CNTNAP3B: variants seen among roughly 807,000 people sequenced by gnomAD.
CNTNAP3B encodes contactin associated protein family member 3B.
Under a neutral mutation model 108.9 loss-of-function variants are expected in CNTNAP3B, and 25 were observed. The observed-to-expected ratio is 0.23, with a 90% CI of 0.17 to 0.32. CNTNAP3B has a LOEUF of 0.32. Among genes scored for constraint, CNTNAP3B ranks in the 10% least tolerant of loss-of-function variants. The pLI is 1.00. For missense variants in CNTNAP3B, 252 were observed against 1,210.4 expected (o/e 0.21, Z 11.75); for synonymous variants, 103 against 473.4 (o/e 0.22, Z 10.16).
At chr9:42,053,918 G>A (rs1294470330) in intron 3 of CNTNAP3B, among the ~76,000 whole-genome samples, 1 of 150,270 alleles carries the variant, frequency 6.7e-6, no homozygotes, top group East Asian at 2.0e-4. Context: ...CCAAACCATG[G>A]CAGACTTGTA....
At chr9:42,070,357 TG>T (rs1388357580) in intron 3 of CNTNAP3B, among the ~76,000 whole-genome samples, 6 of 149,594 alleles carry the variant, frequency 4.0e-5, no homozygotes, top group Non-Finnish European at 8.9e-5. Flanking sequence ...CCAGTGGCCA[TG>T]ACAGCCAGAG....
chr9:41,937,183 A>T (rs1476940042), intron 14 of CNTNAP3B, among the ~76,000 whole-genome samples: 2 of 149,084 alleles, frequency 1.3e-5, no homozygotes, highest in Non-Finnish European at 1.5e-5. Flanking sequence ...GCTGGAGTGC[A>T]GTGGCGCGAT....
At chr9:41,970,349 G>A (rs1825403725) in intron 9 of CNTNAP3B, 104 bp from the exon 10 acceptor site, 1 of 212,660 alleles carries the variant, frequency 4.7e-6, no homozygotes, top group Admixed American at 1.1e-4. Flanking sequence ...TATGGACATC[G>A]GTATGATGCG....
chr9:42,075,481 C>G (rs1414237246), intron 3 of CNTNAP3B, among the ~76,000 whole-genome samples: 1 of 136,188 alleles, frequency 7.3e-6, no homozygotes, highest in Non-Finnish European at 1.6e-5. Flanking sequence ...GAGTTGACAT[C>G]TGTCATTTTA....
chr9:42,030,231 G>T (rs1587212328), intron 3 of CNTNAP3B, among the ~76,000 whole-genome samples: 1 of 54,298 alleles, frequency 1.8e-5, no homozygotes, highest in South Asian at 7.6e-4. Context: ...AACCCCAAAA[G>T]TAACCACTCT....
intron 9 of CNTNAP3B, among the ~76,000 whole-genome samples, chr9:41,983,086 G>C (rs1825663565): frequency 7.8e-6 from 1 of 128,232 alleles, no homozygotes; most frequent in Non-Finnish European, 1.6e-5. Context: ...CTACCTACTA[G>C]GTACTATGCT....
At chr9:41,941,196 C>T (rs1219736243) in intron 13 of CNTNAP3B, among the ~76,000 whole-genome samples, 8 of 150,164 alleles carry the variant, frequency 5.3e-5, no homozygotes, top group East Asian at 3.9e-4. Flanking sequence ...TACCAAGCAA[C>T]GAGTAAGAAA....
intron 1 of CNTNAP3B, among the ~76,000 whole-genome samples, chr9:42,125,734 G>A (rs1350520829): frequency 2.4e-5 from 3 of 127,544 alleles, no homozygotes; most frequent in Middle Eastern, 3.7e-3. Flanking sequence ...GCAGTGGCAC[G>A]ATCTCAGCTC....
intron 3 of CNTNAP3B, among the ~76,000 whole-genome samples, chr9:42,075,092 T>C (rs1470589654): frequency 7.0e-6 from 1 of 143,106 alleles, no homozygotes; most frequent in East Asian, 2.1e-4. Flanking sequence ...ATTATTCCAA[T>C]CCTCCCTCCT....
At chr9:42,091,007 G>A in intron 2 of CNTNAP3B, among the ~76,000 whole-genome samples, 1 of 48,606 alleles carries the variant, frequency 2.1e-5, no homozygotes, top group South Asian at 7.1e-4. Context: ...CACACATATA[G>A]TATATATTTA....
At chr9:41,961,475 G>A (rs1163401886) in intron 11 of CNTNAP3B, among the ~76,000 whole-genome samples, 1 of 152,302 alleles carries the variant, frequency 6.6e-6, no homozygotes, top group Non-Finnish European at 1.5e-5. Flanking sequence ...AATTAAGGAA[G>A]AAACCCTCAT....
intron 14 of CNTNAP3B, among the ~76,000 whole-genome samples, chr9:41,937,123 A>ATTATTATTATTATTG (rs1328315582): frequency 1.2e-3 from 184 of 148,804 alleles, no homozygotes; most frequent in African/African-American, 4.4e-3. Context: ...ATTTATTATT[A>ATTATTATTATTATTG]TTATTATTAT....
rs1370415006 is a variant in CNTNAP3B at position 42,070,818 on chromosome 9, A to G, written c.390+6051T>C. ...TCAGGCCCGGAAAATAAAGATAACA[A>G]TTAGGAACAAATACACACAGGCCAT... On this transcript the variant is annotated intron_variant, in intron 3 of 23. Transcript: ENST00000377561. Among the ~76,000 whole-genome samples the G allele has an allele frequency of 9.9e-5, 15 of 152,170 alleles. No individual in the cohort carries two copies. In the South Asian group the frequency reaches 2.5e-3, roughly 25 times the overall value.
chr9:41,919,315 C>T (rs1005741053), intron 18 of CNTNAP3B, among the ~76,000 whole-genome samples: 1 of 152,058 alleles, frequency 6.6e-6, no homozygotes, highest in Admixed American at 6.6e-5. Flanking sequence ...GAGGTTTCAC[C>T]ATGTTGGCCA....
At chr9:41,937,048 A>G (rs1188441179) in intron 14 of CNTNAP3B, among the ~76,000 whole-genome samples, 1 of 150,896 alleles carries the variant, frequency 6.6e-6, no homozygotes, top group Non-Finnish European at 1.5e-5. Context: ...TGCTTAGATT[A>G]GCTATTTTAT....
intron 3 of CNTNAP3B, among the ~76,000 whole-genome samples, chr9:42,030,808 A>T (rs1826507958): frequency 1.2e-5 from 1 of 85,296 alleles, no homozygotes; most frequent in Non-Finnish European, 2.3e-5. Flanking sequence ...AGAGAGAGAG[A>T]GAGAGGAGAG....
intron 3 of CNTNAP3B, among the ~76,000 whole-genome samples, chr9:42,070,767 G>A (rs1292306959): frequency 3.9e-3 from 592 of 151,748 alleles, no homozygotes; most frequent in African/African-American, 0.011. Context: ...TGCCCCCTCC[G>A]TTAGTTCCAC....
chr9:42,098,547 C>A (rs1199083336), intron 2 of CNTNAP3B, among the ~76,000 whole-genome samples: 1 of 78,244 alleles, frequency 1.3e-5, no homozygotes, highest in Non-Finnish European at 2.5e-5. Context: ...CATGCCACTG[C>A]ACTCCAGCCT....
At chr9:41,954,692 T>C (rs1362123826) in intron 12 of CNTNAP3B, among the ~76,000 whole-genome samples, 8 of 152,370 alleles carry the variant, frequency 5.3e-5, no homozygotes, top group South Asian at 2.1e-4. Context: ...ATTTAACTTA[T>C]TTATTTTTGA....
Sources: gnomAD v4.1 joint callset for allele counts (sites outside exome capture counted in the v4.1 genomes callset) on GRCh38, gnomAD v4.1.1 for gene constraint, MANE v1.5 for transcripts, NCBI Gene and HGNC (gene_info 2026-07-23, HGNC 2026-07-21) for gene names.